RAB28: variants seen among roughly 807,000 people sequenced by gnomAD.
RAB28 encodes RAB28, member RAS oncogene family, also known as ras-related protein Rab-28.
A neutral mutation model predicts 31.7 loss-of-function variants in RAB28; 24 were observed. The ratio of observed to expected loss-of-function variants is 0.76; its 90% CI spans 0.55 to 1.06. The LOEUF (loss-of-function observed/expected upper bound fraction) is 1.06. Among genes scored for constraint, RAB28 ranks in the 50% least tolerant of loss-of-function variants. The pLI is 0.00. For missense variants in RAB28, 254 were observed against 258.5 expected (o/e 0.98, Z 0.12); for synonymous variants, 100 against 90.4 (o/e 1.11, Z -0.60).
At chr4:13,414,513 A>C (rs1400484356) in intron 4 of RAB28, among the ~76,000 whole-genome samples, 5 of 152,218 alleles carry the variant, frequency 3.3e-5, no homozygotes, top group Non-Finnish European at 1.5e-5. Context: ...TTTTATAAAT[A>C]AGTTATACCA....
chr4:13,368,221 T>G lies in RAB28; in HGVS notation c.*337A>C. 2.0e-6 allele frequency: 2 copies of G among 999,086 alleles called. No individual in the cohort carries two copies. The highest frequency in any genetic ancestry group is 2.4e-6 in the Non-Finnish European group (2 of 839,262). The allele number at this position is 999,086 out of a possible 1,614,324, so 61.9% of individuals were successfully genotyped here. A position where few individuals can be genotyped will look rare whatever the true frequency, so the allele number is the denominator to read the frequency against. On this transcript the variant is annotated 3_prime_UTR_variant, in exon 7 of 7. Coordinates refer to ENST00000330852, the MANE Select transcript of RAB28 (RefSeq NM_001017979.3). ...CAAAATCCTGGCTGATGATCAAGACTTGGAGAGTTTTCATATTAAGTTAAA... is the reference window on the plus strand; with the variant it reads ...CAAAATCCTGGCTGATGATCAAGACGTGGAGAGTTTTCATATTAAGTTAAA...
rs1258192953 is a variant in RAB28 at position 13,464,544 on chromosome 4, CCACAACACTACCAGGG to C, written c.262-3732_262-3717del. 2.6e-5 allele frequency among the ~76,000 whole-genome samples: 4 copies of C among 152,094 alleles called. No individual in the cohort carries two copies. In the South Asian group the frequency reaches 6.2e-4, roughly 24 times the overall value. On this transcript the variant is annotated intron_variant, in intron 3 of 6. Transcript: ENST00000330852. ...TATGCTTCTCCTCCCCCATACTTTA[CCACAACACTACCAGGG>C]CACCAACATCTGAAAGAGCTGCAAG...
At chr4:13,423,412 C>T (rs1212407852) in intron 4 of RAB28, among the ~76,000 whole-genome samples, 1 of 151,138 alleles carries the variant, frequency 6.6e-6, no homozygotes, top group Admixed American at 6.6e-5. Flanking sequence ...TGGCAGATAC[C>T]TGTAATCCCA....
chr4:13,369,899 T>A, intron 6 of RAB28: 2 of 1,612,276 alleles, frequency 1.2e-6, no homozygotes, highest in Non-Finnish European at 1.7e-6. Flanking sequence ...CAGATTCTAC[T>A]CTGAGTAGAG....
intron 4 of RAB28, among the ~76,000 whole-genome samples, chr4:13,442,522 C>T (rs530937421): frequency 1.3e-5 from 2 of 151,358 alleles, no homozygotes; most frequent in South Asian, 4.2e-4. Flanking sequence ...TAAATGAAGG[C>T]TTGGCTTCTA....
chr4:13,385,929 G>A (rs1291037198), intron 4 of RAB28, among the ~76,000 whole-genome samples: 1 of 152,048 alleles, frequency 6.6e-6, no homozygotes, highest in African/African-American at 2.4e-5. Context: ...GAAAACAAGA[G>A]AAATGCTTAC....
chr4:13,382,041 A>G (rs115938238), intron 4 of RAB28, among the ~76,000 whole-genome samples: 2,402 of 152,348 alleles, frequency 0.016, 62 homozygotes, highest in African/African-American at 0.054. Flanking sequence ...TGTAATCTCT[A>G]TAAGCTTGAA....
chr4:13,370,834 A>G (rs1422387815), intron 6 of RAB28: 1 of 965,092 alleles, frequency 1.0e-6, no homozygotes. Context: ...TCAAATATCT[A>G]AGAGTTTTAC....
At chr4:13,421,391 A>T (rs1241107231) in intron 4 of RAB28, among the ~76,000 whole-genome samples, 1 of 152,320 alleles carries the variant, frequency 6.6e-6, no homozygotes, top group East Asian at 1.9e-4. Context: ...TCTTCACAGA[A>T]CTGGAAAAAA....
intron 4 of RAB28, among the ~76,000 whole-genome samples, chr4:13,427,582 G>C (rs1713575535): frequency 6.6e-6 from 1 of 152,126 alleles, no homozygotes; most frequent in South Asian, 2.1e-4. Flanking sequence ...CCAAAAATGA[G>C]AGATCTACAG....
chr4:13,380,080 G>A (rs1729066559), intron 5 of RAB28, among the ~76,000 whole-genome samples: 3 of 152,106 alleles, frequency 2.0e-5, no homozygotes, highest in African/African-American at 4.8e-5. Context: ...AGTGAGGGTA[G>A]AAGCCCAGTG....
At chr4:13,426,754 T>C (rs999941167) in intron 4 of RAB28, among the ~76,000 whole-genome samples, 1 of 152,174 alleles carries the variant, frequency 6.6e-6, no homozygotes, top group Non-Finnish European at 1.5e-5. Context: ...GAGATTACAT[T>C]CACATTATTC....
chr4:13,471,866 T>C (rs147188425), intron 3 of RAB28, among the ~76,000 whole-genome samples: 2 of 152,054 alleles, frequency 1.3e-5, no homozygotes, highest in Admixed American at 6.6e-5. Flanking sequence ...AGTCGATATG[T>C]ACCTTCAAGA....
At chr4:13,443,666 T>C (rs1714534689) in intron 4 of RAB28, among the ~76,000 whole-genome samples, 1 of 152,196 alleles carries the variant, frequency 6.6e-6, no homozygotes, top group South Asian at 2.1e-4. Context: ...ACCTCACTTA[T>C]CATACTTGTC....
At chr4:13,401,055 A>C (rs1711718983) in intron 4 of RAB28, among the ~76,000 whole-genome samples, 1 of 152,208 alleles carries the variant, frequency 6.6e-6, no homozygotes, top group Non-Finnish European at 1.5e-5. Context: ...ATTTTAATAG[A>C]TTATTATATC....
intron 4 of RAB28, among the ~76,000 whole-genome samples, chr4:13,412,520 G>C (rs1396465131): frequency 6.6e-6 from 1 of 152,090 alleles, no homozygotes; most frequent in African/African-American, 2.4e-5. Flanking sequence ...TCTGTTCTAA[G>C]AGCCTCTTTA....
At position 13,371,676 on chromosome 4, in the gene RAB28, A is replaced by T. The variant is rs992501124; in HGVS notation, c.574-3026T>A. 12 of 1,491,488 alleles carry T rather than the reference A, an allele frequency of 8.0e-6. No homozygotes were observed. In the South Asian group the frequency reaches 1.6e-4, roughly 20 times the overall value. The allele number at this position is 1,491,488 out of a possible 1,614,324, so 92.4% of individuals were successfully genotyped here. A position where few individuals can be genotyped will look rare whatever the true frequency, so the allele number is the denominator to read the frequency against. ...CAGATTCCAAATTTCACTTTCTATG[A>T]TTAGAAAAACATAATTTCCATGTCA... On this transcript the variant is annotated intron_variant, in intron 6 of 6. Transcript: ENST00000330852.
intron 2 of RAB28, among the ~76,000 whole-genome samples, chr4:13,478,959 C>T (rs1472125860): frequency 6.6e-6 from 1 of 151,596 alleles, no homozygotes; most frequent in Non-Finnish European, 1.5e-5. Context: ...TGCTGCCTTG[C>T]ATAAAACAGC....
intron 2 of RAB28, among the ~76,000 whole-genome samples, chr4:13,478,393 T>C (rs1410372657): frequency 6.6e-6 from 1 of 151,490 alleles, no homozygotes; most frequent in Non-Finnish European, 1.5e-5. Flanking sequence ...ATACAAACTA[T>C]CACAAAATAT....
Sources: allele counts gnomAD v4.1 joint callset (sites outside exome capture counted in the v4.1 genomes callset), GRCh38; gene constraint gnomAD v4.1.1; transcripts MANE v1.5; gene names NCBI Gene and HGNC (gene_info 2026-07-23, HGNC 2026-07-21).